Variants in DMXL1 observed in about 807,000 individuals in gnomAD.
The protein encoded by DMXL1 is Dmx like 1, also known as dmX-like protein 1.
DMXL1 carries 99 observed loss-of-function variants against 319.2 expected under a neutral mutation model. The observed-to-expected ratio is 0.31, with a 90% confidence interval of 0.26 to 0.37. DMXL1 has a LOEUF of 0.37. Among genes scored for constraint, DMXL1 ranks in the 10% least tolerant of loss-of-function variants. DMXL1 has a pLI of 1.00. For synonymous variants in DMXL1, 1,385 were observed against 1,235.2 expected (o/e 1.12, Z -2.54); for missense variants, 3,745 against 3,595.6 (o/e 1.04, Z -1.06).
intron 1 of DMXL1, among the ~76,000 whole-genome samples, chr5:119,082,461 A>C (rs1211851829): frequency 1.3e-5 from 2 of 151,930 alleles, no homozygotes; most frequent in Non-Finnish European, 2.9e-5. Context: ...TTTTTTGTAG[A>C]GTGGGGTCTC....
rs753436403 is a variant in DMXL1 at position 119,129,241 on chromosome 5, T to A, written c.1133T>A (p.Leu378Gln). 16 of 1,612,870 alleles carry A rather than the reference T, an allele frequency of 9.9e-6. No homozygotes were observed. The highest frequency in any genetic ancestry group is 1.4e-5 in the Non-Finnish European group (16 of 1,179,288). Reference protein sequence around the residue: ...DIPLLPSITSLSLNENEEKTG... With the variant: ...DIPLLPSITSQSLNENEEKTG... ...CCACTTCTTCCATCTATTACATCTC[T>A]GAGTCTAAATGAAAATGAAGAGAAG... Residue 378 changes from leucine to glutamine, a missense_variant, in exon 10 of 44, where the codon CTG becomes CAG. Physicochemically the swap from Leu to Gln is moderately radical, Grantham distance 113 (BLOSUM62 -2). Around this residue, in one of 4 missense-constraint regions of DMXL1, gnomAD observed 2,096 missense variants for 1,985.4 expected, o/e 1.06. Coordinates refer to ENST00000539542, the MANE Select transcript of DMXL1 (RefSeq NM_001290321.3).
intron 35 of DMXL1, 90 bp from the exon 36 acceptor site, chr5:119,220,382 G>T: frequency 8.4e-7 from 1 of 1,196,450 alleles, no homozygotes; most frequent in Non-Finnish European, 1.2e-6. Context: ...ACTGCTAGAG[G>T]TTATTTCAAA....
At chr5:119,207,605 G>T (rs1390720462) in intron 34 of DMXL1, among the ~76,000 whole-genome samples, 1 of 152,042 alleles carries the variant, frequency 6.6e-6, no homozygotes, top group Non-Finnish European at 1.5e-5. Context: ...TGCAACCTCT[G>T]CCCCCCAGGT....
At chr5:119,204,563 T>C (rs1396401111) in intron 33 of DMXL1, among the ~76,000 whole-genome samples, 1 of 152,154 alleles carries the variant, frequency 6.6e-6, no homozygotes, top group Non-Finnish European at 1.5e-5. Context: ...AATGGGTTTT[T>C]TTTTTTTTTT....
intron 1 of DMXL1, among the ~76,000 whole-genome samples, chr5:119,090,649 G>C (rs1754575879): frequency 6.8e-6 from 1 of 146,398 alleles, no homozygotes; most frequent in Non-Finnish European, 1.5e-5. Context: ...CGCAACCTCT[G>C]CCTCCCGTGT....
chr5:119,140,831 CTA>C (rs1464457379), intron 13 of DMXL1, among the ~76,000 whole-genome samples: 2 of 152,074 alleles, frequency 1.3e-5, no homozygotes, highest in African/African-American at 4.8e-5. Flanking sequence ...CCAATATCCT[CTA>C]TGAATATCAA....
intron 43 of DMXL1, among the ~76,000 whole-genome samples, chr5:119,245,982 A>G (rs1334013942): frequency 6.6e-6 from 1 of 152,158 alleles, no homozygotes; most frequent in East Asian, 1.9e-4. Flanking sequence ...TGAATTAATG[A>G]ATTTCTTAGA....
chr5:119,098,156 A>G (rs1756409128), intron 2 of DMXL1, 52 bp downstream of exon 2: 1 of 1,561,012 alleles, frequency 6.4e-7, no homozygotes, highest in South Asian at 1.2e-5. Flanking sequence ...GGTTTTTGTC[A>G]GGATAATCTC....
At chr5:119,176,822 A>G (rs1368850618) in intron 26 of DMXL1, among the ~76,000 whole-genome samples, 1 of 152,010 alleles carries the variant, frequency 6.6e-6, no homozygotes, top group African/African-American at 2.4e-5. Flanking sequence ...GGGGAAGCTT[A>G]TCCTGAATTC....
intron 4 of DMXL1, among the ~76,000 whole-genome samples, chr5:119,107,157 GGA>G (rs1242534508): frequency 2.0e-5 from 3 of 151,748 alleles, no homozygotes; most frequent in African/African-American, 2.4e-5. Flanking sequence ...GGCAACATAG[GGA>G]GACTCCATCT....
chr5:119,220,877 T>G, intron 36 of DMXL1, 63 bp from the exon 37 acceptor site: 10 of 1,570,200 alleles, frequency 6.4e-6, no homozygotes, highest in Non-Finnish European at 8.6e-6. Flanking sequence ...ATTTTAGACC[T>G]TTCAAGTGTA....
chr5:119,092,512 A>G (rs1041719488), intron 1 of DMXL1, among the ~76,000 whole-genome samples: 3 of 152,198 alleles, frequency 2.0e-5, no homozygotes, highest in Admixed American at 2.0e-4. Flanking sequence ...TATAATTTAC[A>G]TACCATAAAG....
chr5:119,195,829 T>A (rs1464439612), intron 30 of DMXL1, among the ~76,000 whole-genome samples: 1 of 152,208 alleles, frequency 6.6e-6, no homozygotes, highest in South Asian at 2.1e-4. Flanking sequence ...TTTTTAAAAA[T>A]CAAACTATAT....
intron 38 of DMXL1, among the ~76,000 whole-genome samples, chr5:119,231,036 A>G (rs1284193338): frequency 6.6e-6 from 1 of 152,176 alleles, no homozygotes; most frequent in Non-Finnish European, 1.5e-5. Context: ...ACTCTTTTAG[A>G]GAGACAATTT....
At chr5:119,131,488 T>C (rs1172945379) in intron 10 of DMXL1, among the ~76,000 whole-genome samples, 1 of 152,208 alleles carries the variant, frequency 6.6e-6, no homozygotes, top group Admixed American at 6.5e-5. Flanking sequence ...TGTAGCATAC[T>C]GAGGTTTGGA....
Position 119,105,275 on chromosome 5 carries a change from G to T in DMXL1, c.364+17G>T. 6.3e-7 allele frequency: 1 copy of T among 1,585,730 alleles called. No individual in the cohort carries two copies. Among genetic ancestry groups the T allele is most frequent in the South Asian group, 1.1e-5 (1 of 89,740 alleles). The stretch of plus-strand genomic sequence containing the variant: ...ATCCCACAGGTAAGAAAATAAGCAG[G>T]ATTAACTAAAATGAAATATCACTTG... On this transcript the variant is annotated intron_variant, in intron 4 of 43. Transcript: ENST00000539542.
chr5:119,186,038 G>A lies in DMXL1; in HGVS notation c.7136-3670G>A, dbSNP rs140863845. Among the ~76,000 whole-genome samples, 52 of 152,320 alleles carry A rather than the reference G, an allele frequency of 3.4e-4. 1 individual carries two copies. Among genetic ancestry groups the A allele is most frequent in the African/African-American group, 5.3e-4 (22 of 41,566 alleles). Reference sequence around the variant, plus strand: ...TACCTCTTAGGAGACTGAGGACTTAGACTGAATTGGCTTGCTGAAAGCAAG... The same window carrying A: ...TACCTCTTAGGAGACTGAGGACTTAAACTGAATTGGCTTGCTGAAAGCAAG... On this transcript the variant is annotated intron_variant, in intron 28 of 43. Transcript: ENST00000539542.
chr5:119,241,101 T>C (rs1561950619), intron 42 of DMXL1, among the ~76,000 whole-genome samples: 1 of 152,134 alleles, frequency 6.6e-6, no homozygotes, highest in Non-Finnish European at 1.5e-5. Context: ...ATTAATATAG[T>C]CAATTAACAC....
At chr5:119,105,036 C>T (rs1457907417) in intron 3 of DMXL1, 144 bp from the exon 4 acceptor site, 5 of 581,962 alleles carry the variant, frequency 8.6e-6, no homozygotes, top group South Asian at 4.3e-5. Context: ...CATGTGTTCT[C>T]TATTTTTGTT....
Sources: allele counts gnomAD v4.1 joint callset (sites outside exome capture counted in the v4.1 genomes callset), GRCh38; gene constraint gnomAD v4.1.1; regional missense constraint gnomAD v4.1.1; transcripts MANE v1.5; gene names NCBI Gene and HGNC (gene_info 2026-07-23, HGNC 2026-07-21).